The following TENM3 variants were observed in gnomAD, a reference collection of about 807,000 sequenced individuals.
TENM3 encodes the protein teneurin-3.
A neutral mutation model predicts 255.1 loss-of-function variants in TENM3; 63 were observed. The observed-to-expected ratio is 0.25, with a 90% CI of 0.20 to 0.30. The LOEUF (loss-of-function observed/expected upper bound fraction) is 0.30, where lower values mean the gene tolerates loss of function less well. Among genes scored for constraint, TENM3 ranks in the 10% least tolerant of loss-of-function variants. TENM3 has a pLI of 1.00. For synonymous variants in TENM3, 1,306 were observed against 1,322.3 expected (o/e 0.99, Z 0.27); for missense variants, 2,929 against 3,461.1 (o/e 0.85, Z 3.86).
chr4:182,158,238 A>G (rs1177005251), intron 1 of TENM3, among the ~76,000 whole-genome samples: 1 of 152,218 alleles, frequency 6.6e-6, no homozygotes, highest in Non-Finnish European at 1.5e-5. Flanking sequence ...CAGAAGATGG[A>G]TTGTGTGAAA....
the TENM3 span, among the ~76,000 whole-genome samples, chr4:182,053,590 A>G: frequency 1.5e-4 from 23 of 152,204 alleles, no homozygotes; most frequent in African/African-American, 5.1e-4. Context: ...GTAGGAGGAG[A>G]GGTACTGTGC....
chr4:182,755,375 T>G, intron 22 of TENM3, 116 bp downstream of exon 22: 1 of 1,094,464 alleles, frequency 9.1e-7, no homozygotes, highest in African/African-American at 1.6e-5. Flanking sequence ...AGTCTAGAGC[T>G]TCTGTAATTT....
chr4:182,583,920 G>A (rs1330474811), intron 3 of TENM3, among the ~76,000 whole-genome samples: 2 of 152,140 alleles, frequency 1.3e-5, no homozygotes, highest in African/African-American at 4.8e-5. Flanking sequence ...TTATAATACT[G>A]TGTTTTACTA....
At chr4:182,198,816 G>T (rs1044205192) in intron 1 of TENM3, among the ~76,000 whole-genome samples, 3 of 152,198 alleles carry the variant, frequency 2.0e-5, no homozygotes, top group African/African-American at 7.2e-5. Context: ...TTTGAGACAG[G>T]TGTAAAACCA....
chr4:182,317,720 T>C (rs888205545), intron 1 of TENM3, among the ~76,000 whole-genome samples: 1 of 151,920 alleles, frequency 6.6e-6, no homozygotes, highest in African/African-American at 2.4e-5. Flanking sequence ...ACCAAAAATA[T>C]ATATATATAT....
At chr4:182,026,951 T>C in the TENM3 span, among the ~76,000 whole-genome samples, 1 of 152,132 alleles carries the variant, frequency 6.6e-6, no homozygotes, top group Admixed American at 6.5e-5. Flanking sequence ...CTGGGTCTTT[T>C]GTGATTCCAT....
chr4:182,369,661 A>G lies in TENM3; in HGVS notation c.511+22732A>G, dbSNP rs183566729. 8.6e-3 allele frequency among the ~76,000 whole-genome samples: 1,306 copies of G among 152,220 alleles called. 18 individuals carry two copies. Among genetic ancestry groups the G allele is most frequent in the African/African-American group, 0.03 (1,226 of 41,530 alleles). On this transcript the variant is annotated intron_variant, in intron 3 of 27. Transcript: ENST00000511685. ...TTTGGGAGGCTGAGGCAGGCCGATC[A>G]CCTGAGGTCAGGAGCTCGAGACCAG...
At chr4:181,570,605 G>A in the TENM3 span, among the ~76,000 whole-genome samples, 1 of 150,736 alleles carries the variant, frequency 6.6e-6, no homozygotes, top group South Asian at 2.1e-4. Flanking sequence ...AAGAGAGGAA[G>A]GAAGAAAGAG....
chr4:182,331,473 G>C (rs975603311), intron 2 of TENM3, among the ~76,000 whole-genome samples: 2 of 152,148 alleles, frequency 1.3e-5, no homozygotes, highest in Non-Finnish European at 2.9e-5. Context: ...TTGAACCCTT[G>C]AGATGGAGGT....
chr4:181,744,552 A>G, the TENM3 span, among the ~76,000 whole-genome samples: 1 of 152,214 alleles, frequency 6.6e-6, no homozygotes, highest in Non-Finnish European at 1.5e-5. Flanking sequence ...TCTGATGGAT[A>G]TTTTTAAGGG....
the TENM3 span, among the ~76,000 whole-genome samples, chr4:181,685,719 A>T: frequency 6.6e-6 from 1 of 152,134 alleles, no homozygotes; most frequent in Admixed American, 6.6e-5. Flanking sequence ...CCACCCCAGA[A>T]ATGAGTTTTT....
At chr4:182,557,670 T>C (rs1283510418) in intron 3 of TENM3, among the ~76,000 whole-genome samples, 1 of 152,138 alleles carries the variant, frequency 6.6e-6, no homozygotes, top group Non-Finnish European at 1.5e-5. Context: ...ATTTTGGAGT[T>C]GAAGTTCAGA....
the TENM3 span, among the ~76,000 whole-genome samples, chr4:181,518,300 G>GA: frequency 6.8e-6 from 1 of 146,578 alleles, no homozygotes; most frequent in African/African-American, 2.5e-5. Context: ...AGCATGTGGG[G>GA]TTTTTTTTTT....
chr4:182,261,022 C>T (rs765349521), intron 1 of TENM3, among the ~76,000 whole-genome samples: 2 of 151,996 alleles, frequency 1.3e-5, no homozygotes, highest in Non-Finnish European at 1.5e-5. Context: ...ACTACAGGTG[C>T]GCACCAGCAC....
At chr4:182,373,113 T>C (rs531784707) in intron 3 of TENM3, among the ~76,000 whole-genome samples, 1 of 152,212 alleles carries the variant, frequency 6.6e-6, no homozygotes, top group Admixed American at 6.5e-5. Context: ...TGTCACCTCT[T>C]TGACCTCCCG....
chr4:182,013,190 A>T, the TENM3 span, among the ~76,000 whole-genome samples: 3 of 149,008 alleles, frequency 2.0e-5, no homozygotes, highest in Admixed American at 6.7e-5. Flanking sequence ...ACTTTGGCTT[A>T]TACCAGGCTG....
the TENM3 span, among the ~76,000 whole-genome samples, chr4:181,725,907 AG>A: frequency 2.0e-5 from 3 of 152,170 alleles, no homozygotes; most frequent in Non-Finnish European, 4.4e-5. Flanking sequence ...TTTAGGGAAA[AG>A]CTTAATATCT....
the TENM3 span, among the ~76,000 whole-genome samples, chr4:181,701,696 A>G: frequency 2.6e-5 from 4 of 152,222 alleles, no homozygotes; most frequent in African/African-American, 9.6e-5. Flanking sequence ...TTGATTTTGA[A>G]TAAATATTTC....
Position 182,519,442 on chromosome 4 carries a change from G to C in TENM3, c.512-81482G>C, listed in dbSNP as rs146218080. Among the ~76,000 whole-genome samples, 263 of 152,162 alleles carry C rather than the reference G, an allele frequency of 1.7e-3. 2 individuals carry two copies. The highest frequency in any genetic ancestry group is 6.0e-3 in the African/African-American group (250 of 41,510). On this transcript the variant is annotated intron_variant, in intron 3 of 27. Transcript: ENST00000511685. ...ATTGTTAATATTTTCATATACTCCC[G>C]TTCTGTTATTTTTAAGGTAGAAATT...
Sources: allele counts gnomAD v4.1 joint callset (sites outside exome capture counted in the v4.1 genomes callset), GRCh38; gene constraint gnomAD v4.1.1; transcripts MANE v1.5; gene names NCBI Gene and HGNC (gene_info 2026-07-23, HGNC 2026-07-21).